FAM184A: variants seen among roughly 807,000 people sequenced by gnomAD.
The protein encoded by FAM184A is family with sequence similarity 184 member A, also known as protein FAM184A.
In FAM184A, 99 loss-of-function variants were observed where a neutral mutation model predicts 143.8. The observed-to-expected ratio is 0.69, with a 90% confidence interval of 0.58 to 0.81. The LOEUF (loss-of-function observed/expected upper bound fraction) is 0.81, where lower values mean the gene tolerates loss of function less well. FAM184A is among the 40% of genes least tolerant of loss of function. The probability of loss-of-function intolerance (pLI) is 0.00; values close to 1 mark genes in which losing one functional copy is unlikely to be tolerated. For synonymous variants in FAM184A, 427 were observed against 446.4 expected (o/e 0.96, Z 0.55); for missense variants, 1,217 against 1,310.5 (o/e 0.93, Z 1.10).
At chr6:119,133,222 C>T (rs766730802) in intron 1 of FAM184A, among the ~76,000 whole-genome samples, 10 of 152,206 alleles carry the variant, frequency 6.6e-5, no homozygotes, top group Non-Finnish European at 1.5e-4. Flanking sequence ...TTGTTGCCAA[C>T]TGCATTCTAC....
At chr6:119,051,600 C>T (rs1475436118) in intron 1 of FAM184A, among the ~76,000 whole-genome samples, 1 of 152,050 alleles carries the variant, frequency 6.6e-6, no homozygotes, top group African/African-American at 2.4e-5. Context: ...ATGCTTATTT[C>T]ATATTGCATC....
intron 1 of FAM184A, among the ~76,000 whole-genome samples, chr6:119,110,655 A>G (rs138449424): frequency 6.6e-6 from 1 of 152,298 alleles, no homozygotes; most frequent in African/African-American, 2.4e-5. Context: ...AAGATTATGA[A>G]TGTGTGGTTG....
intron 5 of FAM184A, among the ~76,000 whole-genome samples, chr6:119,013,843 G>T (rs759462250): frequency 1.3e-5 from 2 of 152,106 alleles, no homozygotes; most frequent in Non-Finnish European, 2.9e-5. Flanking sequence ...TCTTAATAGC[G>T]CTGTGGCTCT....
chr6:119,002,872 C>T (rs1784804784), intron 9 of FAM184A, 27 bp downstream of exon 9: 5 of 1,543,900 alleles, frequency 3.2e-6, no homozygotes, highest in Admixed American at 4.1e-5. Context: ...GGAGATGAAA[C>T]TTCATCATGT....
At chr6:118,988,124 T>C (rs1239949436) in intron 9 of FAM184A, among the ~76,000 whole-genome samples, 1 of 151,964 alleles carries the variant, frequency 6.6e-6, no homozygotes, top group Non-Finnish European at 1.5e-5. Context: ...ACTGCCGCTA[T>C]GAAGAAAAGA....
In FAM184A at chr6:119,071,550, G is replaced by A. The variant is rs144668187; in HGVS notation, c.159+6591C>T. Among the ~76,000 whole-genome samples the A allele has an allele frequency of 3.3e-3, 498 of 152,320 alleles. 1 individual carries two copies. Among genetic ancestry groups the A allele is most frequent in the African/African-American group, 0.011 (465 of 41,572 alleles). ...ACCTATAAACCCAGAAAGTTCCACA[G>A]TAAGTATACAGAGGAGACACAGGTT... On this transcript the variant is annotated intron_variant, in intron 1 of 17. Coordinates refer to ENST00000338891, the MANE Select transcript of FAM184A (RefSeq NM_024581.6).
At chr6:119,050,737 G>A (rs1345058803) in intron 1 of FAM184A, among the ~76,000 whole-genome samples, 5 of 152,008 alleles carry the variant, frequency 3.3e-5, no homozygotes, top group East Asian at 1.9e-4. Flanking sequence ...CCCGGGAAGC[G>A]GAGCTTGCAG....
chr6:119,040,091 C>T (rs1192137605), intron 1 of FAM184A, among the ~76,000 whole-genome samples: 2 of 152,178 alleles, frequency 1.3e-5, no homozygotes, highest in East Asian at 1.9e-4. Context: ...CATATGCCTG[C>T]GTGGGTCTCT....
intron 1 of FAM184A, among the ~76,000 whole-genome samples, chr6:119,069,779 G>A (rs956288963): frequency 2.0e-5 from 3 of 151,998 alleles, no homozygotes; most frequent in Admixed American, 6.6e-5. Flanking sequence ...ATGAGAAAGT[G>A]AAAACTTATT....
chr6:119,113,157 G>A (rs1788974911), intron 1 of FAM184A, among the ~76,000 whole-genome samples: 1 of 152,052 alleles, frequency 6.6e-6, no homozygotes, highest in South Asian at 2.1e-4. Flanking sequence ...TGCTCATGGG[G>A]CAAGTTTCCT....
chr6:119,051,501 T>C (rs918390577), intron 1 of FAM184A, among the ~76,000 whole-genome samples: 1 of 152,186 alleles, frequency 6.6e-6, no homozygotes, highest in East Asian at 1.9e-4. Context: ...AATAACTTAA[T>C]TGTATATTTT....
chr6:119,116,712 G>A (rs1789072788), intron 1 of FAM184A, among the ~76,000 whole-genome samples: 2 of 152,226 alleles, frequency 1.3e-5, no homozygotes, highest in African/African-American at 4.8e-5. Flanking sequence ...AACTGGCATT[G>A]ACTGGATCTC....
At chr6:119,080,898 G>A (rs1035810507), upstream of FAM184A, among the ~76,000 whole-genome samples, 3 of 152,184 alleles carry the variant, frequency 2.0e-5, no homozygotes, top group Non-Finnish European at 2.9e-5. Context: ...TCTGAAGGCC[G>A]TACAGGAATC....
chr6:118,974,163 ATAGT>A (rs1783777909), intron 14 of FAM184A, among the ~76,000 whole-genome samples: 1 of 152,152 alleles, frequency 6.6e-6, no homozygotes, highest in African/African-American at 2.4e-5. Flanking sequence ...CCATGGCATG[ATAGT>A]TCATGATCCT....
At chr6:119,114,734 G>T (rs1282166698) in intron 1 of FAM184A, among the ~76,000 whole-genome samples, 3 of 152,098 alleles carry the variant, frequency 2.0e-5, no homozygotes, top group African/African-American at 4.8e-5. Context: ...TAGATATGGG[G>T]TTTCACCATG....
At chr6:119,053,977 T>C in intron 1 of FAM184A, among the ~76,000 whole-genome samples, 1 of 152,194 alleles carries the variant, frequency 6.6e-6, no homozygotes, top group South Asian at 2.1e-4. Flanking sequence ...AATATTACGA[T>C]GTGCTCCCTA....
At chr6:119,054,864 C>CT (rs1222166208) in intron 1 of FAM184A, among the ~76,000 whole-genome samples, 1 of 31,246 alleles carries the variant, frequency 3.2e-5, no homozygotes. Context: ...AGCCTTGTGA[C>CT]AATTTTTTTT....
At chr6:119,025,408 C>T (rs1267718860) in intron 1 of FAM184A, 4 of 516,234 alleles carry the variant, frequency 7.7e-6, no homozygotes, top group Non-Finnish European at 1.5e-5. Context: ...TTCTAGTGAT[C>T]TCTTTATAAA....
chr6:119,006,774 CTG>C (rs1354444453), intron 6 of FAM184A, among the ~76,000 whole-genome samples, 166 bp from the exon 7 acceptor site: 1 of 152,110 alleles, frequency 6.6e-6, no homozygotes, highest in East Asian at 1.9e-4. Context: ...CTTTCTTCTG[CTG>C]TGTTTTGAAA....
Sources: gnomAD v4.1 joint callset for allele counts (sites outside exome capture counted in the v4.1 genomes callset) on GRCh38, gnomAD v4.1.1 for gene constraint, MANE v1.5 for transcripts, NCBI Gene and HGNC (gene_info 2026-07-23, HGNC 2026-07-21) for gene names.